The following RPS6KC1 variants were observed in gnomAD, a reference collection of about 807,000 sequenced individuals.
RPS6KC1 encodes the protein ribosomal protein S6 kinase C1, also known as inactive ribosomal protein S6 kinase delta-1.
In RPS6KC1, 54 loss-of-function variants were observed where a neutral mutation model predicts 103.8. The observed-to-expected ratio is 0.52, with a 90% CI of 0.42 to 0.65. The LOEUF (loss-of-function observed/expected upper bound fraction) is 0.65, where lower values mean the gene tolerates loss of function less well. RPS6KC1 is among the 30% of genes least tolerant of loss of function. The pLI, the probability that RPS6KC1 is intolerant of heterozygous loss-of-function variation, is 0.00. For missense variants in RPS6KC1, 1,151 were observed against 1,253.8 expected (o/e 0.92, Z 1.24); for synonymous variants, 439 against 438.7 (o/e 1.00, Z -0.01).
chr1:213,570,416 T>C, the RPS6KC1 span, among the ~76,000 whole-genome samples: 3 of 152,202 alleles, frequency 2.0e-5, no homozygotes. Flanking sequence ...CTGCCCTTGT[T>C]ACGGACCCAC....
intron 12 of RPS6KC1, among the ~76,000 whole-genome samples, chr1:213,257,166 C>G (rs182585884): frequency 6.6e-6 from 1 of 152,298 alleles, no homozygotes; most frequent in Admixed American, 6.5e-5. Flanking sequence ...GGCCTCCCCA[C>G]TAACACATTT....
intron 6 of RPS6KC1, among the ~76,000 whole-genome samples, chr1:213,155,620 G>A (rs553202059): frequency 1.2e-4 from 19 of 152,248 alleles, no homozygotes; most frequent in African/African-American, 4.3e-4. Flanking sequence ...CCATGCTCCA[G>A]TAGGAGCTGG....
the RPS6KC1 span, among the ~76,000 whole-genome samples, chr1:213,632,420 C>T: frequency 6.6e-6 from 1 of 152,168 alleles, no homozygotes; most frequent in Admixed American, 6.5e-5. Context: ...GAGTGGACAT[C>T]CAGCAAACTC....
intron 2 of RPS6KC1, among the ~76,000 whole-genome samples, chr1:213,076,319 A>G (rs568579553): frequency 6.6e-6 from 1 of 152,366 alleles, no homozygotes; most frequent in East Asian, 1.9e-4. Context: ...TTTTGGCAGC[A>G]TGAAAAAGTT....
At chr1:213,302,657 G>A in the RPS6KC1 span, among the ~76,000 whole-genome samples, 1 of 152,132 alleles carries the variant, frequency 6.6e-6, no homozygotes, top group Non-Finnish European at 1.5e-5. Flanking sequence ...TGTGCCCACC[G>A]ATCTGTGGCT....
the RPS6KC1 span, among the ~76,000 whole-genome samples, chr1:213,574,243 G>T: frequency 6.6e-6 from 1 of 152,024 alleles, no homozygotes; most frequent in Non-Finnish European, 1.5e-5. Context: ...TCCTAAGGTT[G>T]GTGCCCTCTT....
At chr1:213,082,486 T>C (rs893558546) in intron 3 of RPS6KC1, among the ~76,000 whole-genome samples, 2 of 152,100 alleles carry the variant, frequency 1.3e-5, no homozygotes, top group African/African-American at 2.4e-5. Flanking sequence ...TGGTATTCGG[T>C]AAGACTGCAA....
the RPS6KC1 span, among the ~76,000 whole-genome samples, chr1:213,421,486 G>A: frequency 3.3e-5 from 5 of 152,192 alleles, no homozygotes; most frequent in East Asian, 1.9e-4. Context: ...TGTCTTTTTC[G>A]GTTAGCCACT....
At chr1:213,306,487 G>T in the RPS6KC1 span, among the ~76,000 whole-genome samples, 1 of 152,228 alleles carries the variant, frequency 6.6e-6, no homozygotes, top group African/African-American at 2.4e-5. Context: ...TTACAAATAT[G>T]TGAAGCTGTA....
chr1:213,486,085 C>T, the RPS6KC1 span, among the ~76,000 whole-genome samples: 1 of 152,192 alleles, frequency 6.6e-6, no homozygotes, highest in Non-Finnish European at 1.5e-5. Flanking sequence ...TCTCCTCTCT[C>T]CTTCCCAGCA....
the RPS6KC1 span, among the ~76,000 whole-genome samples, chr1:213,507,332 G>T: frequency 6.6e-6 from 1 of 152,066 alleles, no homozygotes; most frequent in African/African-American, 2.4e-5. Flanking sequence ...TGTTGGCAGC[G>T]CAGGGTGGGG....
intron 6 of RPS6KC1, among the ~76,000 whole-genome samples, chr1:213,134,163 A>T (rs952708717): frequency 1.3e-5 from 2 of 152,126 alleles, no homozygotes; most frequent in Admixed American, 1.3e-4. Flanking sequence ...GCATGCTAAT[A>T]TGACCCATGA....
At chr1:213,762,647 T>A in the RPS6KC1 span, among the ~76,000 whole-genome samples, 2 of 152,186 alleles carry the variant, frequency 1.3e-5, no homozygotes, top group Non-Finnish European at 2.9e-5. Context: ...ATGCTAATAA[T>A]AGATGTTTAT....
At chr1:213,242,856 A>G (rs553223835) in intron 12 of RPS6KC1, among the ~76,000 whole-genome samples, 198 bp downstream of exon 12, 6 of 152,310 alleles carry the variant, frequency 3.9e-5, no homozygotes, top group East Asian at 1.9e-4. Flanking sequence ...GTATATATGT[A>G]TGTGTGTCCA....
the RPS6KC1 span, among the ~76,000 whole-genome samples, chr1:213,548,576 G>A: frequency 6.6e-6 from 1 of 152,278 alleles, no homozygotes; most frequent in African/African-American, 2.4e-5. Context: ...TGGGAGAATC[G>A]CTTGAACCTG....
the RPS6KC1 span, among the ~76,000 whole-genome samples, chr1:213,621,142 C>G: frequency 6.6e-6 from 1 of 152,208 alleles, no homozygotes; most frequent in Non-Finnish European, 1.5e-5. Context: ...CCCCACTACT[C>G]TCCTGGATTG....
At chr1:213,231,004 A>G (rs563070482) in intron 9 of RPS6KC1, among the ~76,000 whole-genome samples, 2 of 152,006 alleles carry the variant, frequency 1.3e-5, no homozygotes, top group African/African-American at 4.8e-5. Flanking sequence ...ATGTCCTTTT[A>G]TGTTGTTTCT....
At chr1:213,800,156 CAGGGTG>C in the RPS6KC1 span, among the ~76,000 whole-genome samples, 3 of 152,158 alleles carry the variant, frequency 2.0e-5, no homozygotes, top group South Asian at 6.2e-4. Context: ...ATGAATTTAG[CAGGGTG>C]GGGGTGAGGG....
At chr1:213,602,422 G>A in the RPS6KC1 span, among the ~76,000 whole-genome samples, 1 of 151,356 alleles carries the variant, frequency 6.6e-6, no homozygotes, top group Non-Finnish European at 1.5e-5. Context: ...TAGTAGAGAG[G>A]GGGTTTTGCC....
Sources: allele counts gnomAD v4.1 joint callset (sites outside exome capture counted in the v4.1 genomes callset), GRCh38; gene constraint gnomAD v4.1.1; transcripts MANE v1.5; gene names NCBI Gene and HGNC (gene_info 2026-07-23, HGNC 2026-07-21).